RAI1: variants seen among roughly 807,000 people sequenced by gnomAD.
RAI1 encodes retinoic acid induced 1, also known as retinoic acid-induced protein 1.
In RAI1, 9 loss-of-function variants were observed where a neutral mutation model predicts 123.8. The ratio of observed to expected loss-of-function variants is 0.07; its 90% CI spans 0.04 to 0.13. The LOEUF (loss-of-function observed/expected upper bound fraction) is 0.13, where lower values mean the gene tolerates loss of function less well. Among genes scored for constraint, RAI1 ranks in the 10% least tolerant of loss-of-function variants. The pLI is 1.00. For missense variants in RAI1, 2,256 were observed against 2,545.8 expected (o/e 0.89, Z 2.45); for synonymous variants, 1,231 against 1,127.3 (o/e 1.09, Z -1.84).
chr17:17,713,677 G>A (rs572683592), intron 1 of RAI1, among the ~76,000 whole-genome samples: 76 of 152,306 alleles, frequency 5.0e-4, no homozygotes, highest in African/African-American at 1.6e-3. Flanking sequence ...TAAAAAGATT[G>A]TAAGGAAATA....
At chr17:17,724,374 A>C (rs914183159) in intron 2 of RAI1, among the ~76,000 whole-genome samples, 2 of 144,956 alleles carry the variant, frequency 1.4e-5, no homozygotes, top group Non-Finnish European at 3.0e-5. Flanking sequence ...GGTTGAGGGA[A>C]TCGGTCTCAG....
chr17:17,789,920 C>T (rs938490188), intron 2 of RAI1, among the ~76,000 whole-genome samples: 2 of 152,142 alleles, frequency 1.3e-5, no homozygotes, highest in Admixed American at 6.5e-5. Context: ...TGTCCCCTCT[C>T]ACCACCCCTT....
At position 17,797,251 on chromosome 17, in the gene RAI1, C is replaced by T. The variant is rs1408888833; in HGVS notation, c.4303C>T (p.Leu1435=). Residue 1435 remains leucine (L), a synonymous_variant, in exon 3 of 6, where the codon CTG becomes TTG. Coordinates refer to ENST00000353383, the MANE Select transcript of RAI1 (RefSeq NM_030665.4). The stretch of plus-strand genomic sequence containing the variant: ...CGAGGCCTTCACATCCCCGGAGGCC[C>T]TGCAGCCTGGGGGGACTGCCCTGGC... ...KTEAFTSPEA[L]QPGGTALAPK... is the part of the protein sequence containing the mutation. 2 of 1,613,394 alleles carry T rather than the reference C, an allele frequency of 1.2e-6. No individual in the cohort carries two copies. Among genetic ancestry groups the T allele is most frequent in the Admixed American group, 1.7e-5 (1 of 60,034 alleles).
At position 17,722,805 on chromosome 17, in the gene RAI1, G is replaced by A. The variant is rs149834647; in HGVS notation, c.-148-1223G>A. Among the ~76,000 whole-genome samples the A allele has an allele frequency of 6.7e-3, 988 of 147,200 alleles. 3 individuals are homozygous for A. The highest frequency in any genetic ancestry group is 9.9e-3 in the Non-Finnish European group (670 of 68,004). On this transcript the variant is annotated intron_variant, in intron 1 of 5. Transcript: ENST00000353383. ...CAAGCTGCGTCTCTGATGCGGCTAG[G>A]GGAGGCGCGCGATGAAGGCCCCCCT... is the stretch of plus-strand genomic sequence containing the variant.
chr17:17,681,498 C>G lies in RAI1; in HGVS notation c.-444C>G, dbSNP rs1471771940. 5.8e-6 allele frequency: 1 copy of G among 170,944 alleles called. No individual in the cohort carries two copies. The highest frequency in any genetic ancestry group is 1.7e-4 in the East Asian group (1 of 5,930). The allele number at this position is 170,944 out of a possible 1,614,324, so 10.6% of individuals were successfully genotyped here. On this transcript the variant is annotated 5_prime_UTR_variant, in exon 1 of 6. Coordinates refer to ENST00000353383, the MANE Select transcript of RAI1 (RefSeq NM_030665.4). ...CCCGCGGACACCAGGCAGGCCCGGC[C>G]GGGTGCGCGGCCAAGGCCCGCTCCC...
chr17:17,694,597 C>T (rs2142872028), intron 1 of RAI1, among the ~76,000 whole-genome samples: 1 of 151,778 alleles, frequency 6.6e-6, no homozygotes, highest in South Asian at 2.1e-4. Flanking sequence ...GGGCAAATGC[C>T]CGCGCTTCCT....
At chr17:17,776,282 A>G (rs2031338884) in intron 2 of RAI1, among the ~76,000 whole-genome samples, 1 of 152,248 alleles carries the variant, frequency 6.6e-6, no homozygotes, top group African/African-American at 2.4e-5. Flanking sequence ...TTGCCTAGCC[A>G]TTCATAGAAG....
chr17:17,783,636 C>T (rs1250878149), intron 2 of RAI1, among the ~76,000 whole-genome samples: 1 of 152,180 alleles, frequency 6.6e-6, no homozygotes, highest in African/African-American at 2.4e-5. Context: ...CGCGTTAACC[C>T]TGCTCGCGCT....
chr17:17,738,510 G>A (rs1306020024), intron 2 of RAI1, among the ~76,000 whole-genome samples: 1 of 152,194 alleles, frequency 6.6e-6, no homozygotes, highest in Non-Finnish European at 1.5e-5. Flanking sequence ...ACACGGCCTT[G>A]GGCCTGGCCT....
At chr17:17,703,036 A>T (rs1053731963) in intron 1 of RAI1, among the ~76,000 whole-genome samples, 21 of 152,204 alleles carry the variant, frequency 1.4e-4, no homozygotes, top group African/African-American at 5.1e-4. Context: ...ACGTGTAGTA[A>T]GTGCTCAATA....
At chr17:17,789,411 A>G (rs562548134) in intron 2 of RAI1, among the ~76,000 whole-genome samples, 1 of 152,362 alleles carries the variant, frequency 6.6e-6, no homozygotes, top group East Asian at 1.9e-4. Context: ...CTGGAGGGAA[A>G]GGGCTGAGGT....
At chr17:17,707,597 CTGTT>C (rs974349396) in intron 1 of RAI1, among the ~76,000 whole-genome samples, 13 of 152,030 alleles carry the variant, frequency 8.6e-5, no homozygotes, top group African/African-American at 2.4e-4. Context: ...TCCTGGAAGA[CTGTT>C]TGTTTATTTG....
rs1226187697 is a variant in RAI1, at chr17:17,793,010, C to G, written c.62C>G (p.Ser21Trp). Residue 21 changes from serine to tryptophan, a missense_variant, in exon 3 of 6, where the codon TCG (serine) becomes TGG (tryptophan). This residue lies in a region of RAI1 where 336 missense variants were observed against 349.8 expected (regional missense o/e 0.96). Transcript: ENST00000353383. ...AAACAACAGAACTACCAGCAGACCT[C>G]GCAGGAAACATCACGCCTAGAGAAT... ...HGKQQNYQQT[S>W]QETSRLENYR... 2 of 1,614,074 alleles carry G rather than the reference C, an allele frequency of 1.2e-6. No individual in the cohort carries two copies. The highest frequency in any genetic ancestry group is 4.5e-5 in the East Asian group (2 of 44,860).
chr17:17,729,849 A>G (rs1008590458), intron 2 of RAI1, among the ~76,000 whole-genome samples: 3 of 152,162 alleles, frequency 2.0e-5, no homozygotes, highest in African/African-American at 7.2e-5. Context: ...ATGAGCCTCT[A>G]GGGGGCAAAG....
Position 17,709,420 on chromosome 17 carries a change from T to C in RAI1, c.-148-14608T>C, listed in dbSNP as rs535842856. The stretch of plus-strand genomic sequence containing the variant: ...GGCCCCCAAATACTCCTACCCCGAC[T>C]CTCTTCTCCACCCCTCCAGGCTCCC... On this transcript the variant is annotated intron_variant, in intron 1 of 5. Coordinates refer to ENST00000353383, the MANE Select transcript of RAI1 (RefSeq NM_030665.4). Among the ~76,000 whole-genome samples, 178 of 152,122 alleles carry C rather than the reference T, an allele frequency of 1.2e-3. 1 individual carries two copies. The highest frequency in any genetic ancestry group is 2.0e-3 in the Non-Finnish European group (137 of 67,964).
At chr17:17,701,485 T>C (rs1236636029) in intron 1 of RAI1, among the ~76,000 whole-genome samples, 1 of 152,150 alleles carries the variant, frequency 6.6e-6, no homozygotes, top group African/African-American at 2.4e-5. Flanking sequence ...ACTCTTCTCT[T>C]TTTGCAGAGG....
At position 17,811,084 on chromosome 17, in the gene RAI1, A is replaced by AGTCCGTCCGCCT; in HGVS notation, c.*1113_*1124dup. The AGTCCGTCCGCCT allele has an allele frequency of 3.4e-6, 1 of 293,092 alleles. No homozygotes were observed. The highest frequency in any genetic ancestry group is 2.6e-5 in the South Asian group (1 of 38,790). The allele number at this position is 293,092 out of a possible 1,614,324, so 18.2% of individuals were successfully genotyped here. The stretch of plus-strand genomic sequence containing the variant: ...CCACCGGCCCGGGCCAGTCCCTGCC[A>AGTCCGTCCGCCT]GTCCGTCCGCCTGTCCGTCCGTGTC... On this transcript the variant is annotated 3_prime_UTR_variant, in exon 6 of 6. Coordinates refer to ENST00000353383, the MANE Select transcript of RAI1 (RefSeq NM_030665.4).
intron 2 of RAI1, among the ~76,000 whole-genome samples, chr17:17,734,682 A>C (rs1916370440): frequency 1.3e-5 from 2 of 152,166 alleles, no homozygotes; most frequent in Admixed American, 6.5e-5. Flanking sequence ...CAGTGGGCCC[A>C]CACCTGCTTT....
chr17:17,792,611 C>T (rs1031971865), intron 2 of RAI1, among the ~76,000 whole-genome samples: 4 of 151,556 alleles, frequency 2.6e-5, no homozygotes, highest in South Asian at 2.1e-4. Context: ...AGTGACCTGG[C>T]GCTGGGCAGC....
Sources: allele counts gnomAD v4.1 joint callset (sites outside exome capture counted in the v4.1 genomes callset), GRCh38; gene constraint gnomAD v4.1.1; regional missense constraint gnomAD v4.1.1; transcripts MANE v1.5; gene names NCBI Gene and HGNC (gene_info 2026-07-23, HGNC 2026-07-21).